Variants in RASGEF1C observed in about 807,000 individuals in gnomAD.
The protein encoded by RASGEF1C is ras-GEF domain-containing family member 1C.
In RASGEF1C, 27 loss-of-function variants were observed where a neutral mutation model predicts 58.1. That is an observed-to-expected ratio of 0.46 (90% CI 0.34 to 0.64). The LOEUF is 0.64. Ranked by LOEUF, RASGEF1C falls within the 30% of genes least tolerant of loss-of-function variation. RASGEF1C has a pLI of 0.01. For missense variants in RASGEF1C, 502 were observed against 605.1 expected (o/e 0.83, Z 1.79); for synonymous variants, 243 against 246.3 (o/e 0.99, Z 0.13).
At chr5:180,201,916 G>A (rs1033728426) in intron 1 of RASGEF1C, among the ~76,000 whole-genome samples, 1 of 152,222 alleles carries the variant, frequency 6.6e-6, no homozygotes, top group African/African-American at 2.4e-5. Flanking sequence ...CCAGCCTCCA[G>A]AACTGTGAGA....
chr5:180,136,689 G>A, intron 3 of RASGEF1C, 174 bp from the exon 4 acceptor site: 2 of 646,380 alleles, frequency 3.1e-6, no homozygotes, highest in East Asian at 5.8e-5. Flanking sequence ...GAGAGGAGGG[G>A]GGACGGACAC....
intron 1 of RASGEF1C, among the ~76,000 whole-genome samples, chr5:180,153,793 C>T (rs1206399633): frequency 6.9e-6 from 1 of 144,610 alleles, no homozygotes; most frequent in African/African-American, 2.6e-5. Flanking sequence ...ATGCATTGGA[C>T]AGAACTTGCT....
At chr5:180,114,006 C>T (rs1365613978) in intron 11 of RASGEF1C, among the ~76,000 whole-genome samples, 1 of 152,090 alleles carries the variant, frequency 6.6e-6, no homozygotes, top group Admixed American at 6.5e-5. Context: ...TGAGTGTCTA[C>T]AGAGGGAGCA....
intron 11 of RASGEF1C, among the ~76,000 whole-genome samples, chr5:180,111,885 CTT>C (rs774658871): frequency 1.3e-5 from 2 of 152,282 alleles, no homozygotes; most frequent in South Asian, 2.1e-4. Flanking sequence ...TTAAGTAAGA[CTT>C]AAGTAATTCA....
intron 1 of RASGEF1C, among the ~76,000 whole-genome samples, chr5:180,192,347 A>G (rs6601096): frequency 0.97 from 147,828 of 152,284 alleles, 71,898 homozygotes; most frequent in East Asian, 1. Context: ...ATCATGCCGG[A>G]TGAAAGCGGA....
intron 6 of RASGEF1C, among the ~76,000 whole-genome samples, chr5:180,126,041 CAT>C (rs1166554285): frequency 6.6e-6 from 1 of 152,106 alleles, no homozygotes; most frequent in Non-Finnish European, 1.5e-5. Flanking sequence ...AAACAAATGT[CAT>C]GTGTCGTCTT....
chr5:180,182,469 G>T (rs1480064093), intron 1 of RASGEF1C, among the ~76,000 whole-genome samples: 1 of 152,196 alleles, frequency 6.6e-6, no homozygotes, highest in African/African-American at 2.4e-5. Flanking sequence ...ACCCCAGCAG[G>T]TTGCCGCTGT....
chr5:180,152,695 C>G (rs1205587131), intron 1 of RASGEF1C, among the ~76,000 whole-genome samples: 1 of 151,168 alleles, frequency 6.6e-6, no homozygotes, highest in Non-Finnish European at 1.5e-5. Context: ...CACATGTACC[C>G]TAGAACTTAA....
chr5:180,112,977 G>T (rs1405505945), intron 11 of RASGEF1C, among the ~76,000 whole-genome samples: 3 of 148,108 alleles, frequency 2.0e-5, no homozygotes, highest in African/African-American at 7.5e-5. Context: ...GATGGACGGA[G>T]GGACCGGGGA....
chr5:180,127,496 G>T, intron 6 of RASGEF1C, 113 bp downstream of exon 6: 1 of 1,027,224 alleles, frequency 9.7e-7, no homozygotes, highest in Non-Finnish European at 1.4e-6. Flanking sequence ...GAGCCCACCT[G>T]TCCCACTCTG....
chr5:180,190,500 A>G (rs1180030461), intron 1 of RASGEF1C, among the ~76,000 whole-genome samples: 1 of 97,108 alleles, frequency 1.0e-5, no homozygotes, highest in Non-Finnish European at 2.3e-5. Flanking sequence ...AAAAAAAAAA[A>G]AAAAAAAATA....
chr5:180,114,564 C>T (rs749871504), intron 10 of RASGEF1C, 23 bp from the exon 11 acceptor site: 25 of 1,592,214 alleles, frequency 1.6e-5, no homozygotes, highest in African/African-American at 9.4e-5. Context: ...GGGGGCAGGT[C>T]GGCCCCAGCC....
chr5:180,162,978 G>T (rs76140755), intron 1 of RASGEF1C, among the ~76,000 whole-genome samples: 162 of 152,196 alleles, frequency 1.1e-3, no homozygotes, highest in Non-Finnish European at 2.0e-3. Context: ...AGTATCTTTG[G>T]GGGGCTGGGA....
At chr5:180,140,313 G>T (rs1174083716) in intron 1 of RASGEF1C, among the ~76,000 whole-genome samples, 1 of 152,226 alleles carries the variant, frequency 6.6e-6, no homozygotes, top group African/African-American at 2.4e-5. Context: ...CAATGAATGG[G>T]CTTATCCTTG....
At chr5:180,199,933 T>C (rs1756352635) in intron 1 of RASGEF1C, among the ~76,000 whole-genome samples, 1 of 152,158 alleles carries the variant, frequency 6.6e-6, no homozygotes, top group Non-Finnish European at 1.5e-5. Flanking sequence ...TACTCTTAAA[T>C]GGCTTAGTAA....
In RASGEF1C at chr5:180,137,532, G is replaced by A. The variant is rs992047611; in HGVS notation, c.300+58C>T. 8.2e-6 allele frequency: 13 copies of A among 1,578,578 alleles called. No individual in the cohort carries two copies. Among genetic ancestry groups the A allele is most frequent in the Non-Finnish European group, 1.1e-5 (13 of 1,164,452 alleles). On this transcript the variant is annotated intron_variant, in intron 3 of 13. Coordinates refer to ENST00000361132, the MANE Select transcript of RASGEF1C (RefSeq NM_175062.4). The surrounding 1 kb of genome is among the most constrained non-coding windows in gnomAD (Gnocchi z 4.1). ...CTCCCCGAGAGGCTGATGCGTTGAG[G>A]GCATGGCAGGGCAGTGCTGGTACAC...
At chr5:180,123,029 A>G (rs1425150672) in intron 6 of RASGEF1C, among the ~76,000 whole-genome samples, 1 of 152,214 alleles carries the variant, frequency 6.6e-6, no homozygotes, top group African/African-American at 2.4e-5. Flanking sequence ...TATAAGTAAA[A>G]AAAAGAGAAA....
chr5:180,178,727 T>C (rs2113320535), intron 1 of RASGEF1C, among the ~76,000 whole-genome samples: 1 of 152,286 alleles, frequency 6.6e-6, no homozygotes, highest in African/African-American at 2.4e-5. Flanking sequence ...TCACCGGCTT[T>C]CCACGCAGCA....
rs1393867505 is a variant in RASGEF1C at position 180,209,161 on chromosome 5, G to A, written c.-140C>T. The A allele has an allele frequency of 2.8e-5, 4 of 144,662 alleles. No homozygotes were observed. Among genetic ancestry groups the A allele is most frequent in the Non-Finnish European group, 4.6e-5 (3 of 65,384 alleles). The allele number at this position is 144,662 out of a possible 1,614,324, so 9.0% of individuals were successfully genotyped here. Reference sequence around the variant, plus strand: ...CGCCGCCGCCGCCGCCCGACCGCCCGGCTCCCAGCGCAGCCCGCACGAGCG... The same window carrying A: ...CGCCGCCGCCGCCGCCCGACCGCCCAGCTCCCAGCGCAGCCCGCACGAGCG... On this transcript the variant is annotated 5_prime_UTR_variant, in exon 1 of 14. Transcript: ENST00000361132.
Sources: gnomAD v4.1 joint callset for allele counts (sites outside exome capture counted in the v4.1 genomes callset) on GRCh38, gnomAD v4.1.1 for gene constraint, Gnocchi (gnomAD v3.1) non-coding constraint, MANE v1.5 for transcripts, NCBI Gene and HGNC (gene_info 2026-07-23, HGNC 2026-07-21) for gene names.